Variants in TMEM74 observed in about 807,000 individuals in gnomAD.
TMEM74 encodes the protein transmembrane protein 74.
Under a neutral mutation model 18.1 loss-of-function variants are expected in TMEM74, and 13 were observed. That is an observed-to-expected ratio of 0.72 (90% CI 0.47 to 1.14). TMEM74 has a LOEUF of 1.14. Among genes scored for constraint, TMEM74 ranks in the 50% most tolerant of loss-of-function variants. The pLI is 0.00. For missense variants in TMEM74, 372 were observed against 375.9 expected (o/e 0.99, Z 0.09); for synonymous variants, 159 against 146.6 (o/e 1.08, Z -0.61).
chr8:108,718,774 A>G (rs1173315312), intron 1 of TMEM74, among the ~76,000 whole-genome samples: 1 of 152,176 alleles, frequency 6.6e-6, no homozygotes, highest in Non-Finnish European at 1.5e-5. Flanking sequence ...TTTAATATGT[A>G]TGAAATTTGA....
intron 1 of TMEM74, among the ~76,000 whole-genome samples, chr8:108,728,355 T>C (rs1182922682): frequency 6.6e-6 from 1 of 152,180 alleles, no homozygotes; most frequent in Non-Finnish European, 1.5e-5. Flanking sequence ...CAGCTTTAGA[T>C]ATCAAGAAGT....
intron 2 of TMEM74, among the ~76,000 whole-genome samples, chr8:108,638,963 C>T (rs1405053486): frequency 1.3e-5 from 2 of 152,104 alleles, no homozygotes; most frequent in East Asian, 1.9e-4. Context: ...GCACATTTCC[C>T]TTCTGTTGCT....
At chr8:108,715,602 G>C (rs533410626) in intron 1 of TMEM74, among the ~76,000 whole-genome samples, 1 of 152,008 alleles carries the variant, frequency 6.6e-6, no homozygotes, top group South Asian at 2.1e-4. Flanking sequence ...GAGGAATGTA[G>C]TTTGAATGAC....
At chr8:108,697,890 G>T (rs993562127) in intron 1 of TMEM74, among the ~76,000 whole-genome samples, 1 of 152,126 alleles carries the variant, frequency 6.6e-6, no homozygotes, top group African/African-American at 2.4e-5. Flanking sequence ...TTTTTTCAAA[G>T]TATACTATAT....
rs899985230 is a variant in TMEM74 at position 108,766,591 on chromosome 8, A to C, written n.119+20885T>G. Among the ~76,000 whole-genome samples, 6 of 152,300 alleles carry C rather than the reference A, an allele frequency of 3.9e-5. 1 individual carries two copies. The highest frequency in any genetic ancestry group is 3.3e-4 in the Admixed American group (5 of 15,298). ...AATAGAGCCTCAACTCTTCTCCCAT[A>C]GGTCTTTGCATTAGTCAGGGTTCTC... On this transcript the variant is annotated intron_variant and non_coding_transcript_variant, in intron 1 of 3. Coordinates refer to the TMEM74 transcript ENST00000518838.
chr8:108,687,549 T>C (rs1292359909), intron 1 of TMEM74, among the ~76,000 whole-genome samples: 1 of 152,124 alleles, frequency 6.6e-6, no homozygotes, highest in Non-Finnish European at 1.5e-5. Context: ...TACATTGTAA[T>C]ATATAATGAA....
At chr8:108,695,818 C>A (rs937671556) in intron 1 of TMEM74, among the ~76,000 whole-genome samples, 1 of 152,194 alleles carries the variant, frequency 6.6e-6, no homozygotes, top group Admixed American at 6.5e-5. Context: ...GATGACCCAG[C>A]TGTGAAATTT....
In TMEM74 at chr8:108,609,785, C is replaced by T. The variant is rs80206465; in HGVS notation, n.265-959G>A. On this transcript the variant is annotated intron_variant and non_coding_transcript_variant, in intron 2 of 3. Coordinates refer to the TMEM74 transcript ENST00000518838. ...GAAGAATGTGAGGGTCAAAATAAAC[C>T]TCATTGCAATGATTATTGTCATTCT... Among the ~76,000 whole-genome samples the T allele has an allele frequency of 3.6e-3, 550 of 152,300 alleles. 3 individuals are homozygous for T. The highest frequency in any genetic ancestry group is 0.012 in the African/African-American group (491 of 41,566).
At chr8:108,635,808 C>A (rs1812601904) in intron 2 of TMEM74, among the ~76,000 whole-genome samples, 1 of 152,008 alleles carries the variant, frequency 6.6e-6, no homozygotes, top group South Asian at 2.1e-4. Context: ...TGAATGTTGT[C>A]TTGCATTGTT....
chr8:108,741,080 G>A (rs1293791813), intron 1 of TMEM74, among the ~76,000 whole-genome samples: 3 of 152,108 alleles, frequency 2.0e-5, no homozygotes, highest in African/African-American at 7.2e-5. Flanking sequence ...TTTAAAGCAT[G>A]TTGCTGAAGA....
intron 1 of TMEM74, among the ~76,000 whole-genome samples, chr8:108,695,975 C>A (rs1416913610): frequency 6.6e-6 from 1 of 152,130 alleles, no homozygotes; most frequent in South Asian, 2.1e-4. Flanking sequence ...ACTTTTATCA[C>A]CTACTCCGAA....
At chr8:108,735,528 A>G (rs780197682) in intron 1 of TMEM74, among the ~76,000 whole-genome samples, 2 of 152,194 alleles carry the variant, frequency 1.3e-5, no homozygotes, top group Non-Finnish European at 2.9e-5. Context: ...ATGTTGTAGA[A>G]TGTATCAGTC....
In TMEM74 at chr8:108,656,255, T is replaced by C. The variant is rs146686257; in HGVS notation, n.120-818A>G. The stretch of plus-strand genomic sequence containing the variant: ...CTAGTGGACCATATGGAAATCTTAG[T>C]GGTAAAGGTTGTAAACTTGCTTTTC... On this transcript the variant is annotated intron_variant and non_coding_transcript_variant, in intron 1 of 3. Transcript: ENST00000518838. 1.7e-3 allele frequency among the ~76,000 whole-genome samples: 252 copies of C among 152,254 alleles called. 2 individuals are homozygous for C. The highest frequency in any genetic ancestry group is 5.6e-3 in the African/African-American group (232 of 41,550).
At chr8:108,617,425 G>A (rs1485000337) in intron 2 of TMEM74, among the ~76,000 whole-genome samples, 3 of 152,208 alleles carry the variant, frequency 2.0e-5, no homozygotes, top group African/African-American at 7.2e-5. Flanking sequence ...AGAAGCAGCT[G>A]CTATTGCAGA....
In TMEM74 at chr8:108,781,916, C is replaced by A. The variant is rs1288459465; in HGVS notation, c.*2265G>T. 6.6e-6 allele frequency among the ~76,000 whole-genome samples: 1 copy of A among 152,180 alleles called. No individual in the cohort carries two copies. The highest frequency in any genetic ancestry group is 1.5e-5 in the Non-Finnish European group (1 of 68,022). On this transcript the variant is annotated 3_prime_UTR_variant, in exon 2 of 2. Coordinates refer to ENST00000297459, the MANE Select transcript of TMEM74 (RefSeq NM_153015.3). ...TATCAAGTGAAAAGACCTCCTAACA[C>A]TTGATTCCCAAACTCCTCTTCCTTC...
chr8:108,675,049 G>C (rs1205600684), intron 1 of TMEM74, among the ~76,000 whole-genome samples: 1 of 152,188 alleles, frequency 6.6e-6, no homozygotes. Flanking sequence ...GAATATGGAA[G>C]TTGGTGTATA....
Position 108,668,475 on chromosome 8 carries a change from T to C in TMEM74, n.120-13038A>G, listed in dbSNP as rs952393740. 7.9e-5 allele frequency among the ~76,000 whole-genome samples: 12 copies of C among 152,126 alleles called. No homozygotes were observed. In the South Asian group the frequency reaches 8.3e-4, roughly 10 times the overall value. Reference sequence around the variant, plus strand: ...ACAAAATAAGCCACAACAGCAACAATAGCACCAGCTCTAACTCTGGTACTA... The same window carrying C: ...ACAAAATAAGCCACAACAGCAACAACAGCACCAGCTCTAACTCTGGTACTA... On this transcript the variant is annotated intron_variant and non_coding_transcript_variant, in intron 1 of 3. Transcript: ENST00000518838.
At chr8:108,652,716 T>A in intron 2 of TMEM74, 1 of 543,300 alleles carries the variant, frequency 1.8e-6, no homozygotes, top group South Asian at 2.0e-5. Flanking sequence ...TTTTCTGAGA[T>A]CTCTAAGCAA....
chr8:108,696,910 T>A (rs929507726), intron 1 of TMEM74, among the ~76,000 whole-genome samples: 1 of 152,210 alleles, frequency 6.6e-6, no homozygotes, highest in Non-Finnish European at 1.5e-5. Context: ...ACCTCTACAA[T>A]GGAAGAATCT....
Sources: allele counts gnomAD v4.1 joint callset (sites outside exome capture counted in the v4.1 genomes callset), GRCh38; gene constraint gnomAD v4.1.1; transcripts MANE v1.5; gene names NCBI Gene and HGNC (gene_info 2026-07-23, HGNC 2026-07-21).